The following IFT81 variants were observed in gnomAD, a reference collection of about 807,000 sequenced individuals.
IFT81 encodes intraflagellar transport 81.
IFT81 carries 72 observed loss-of-function variants against 102.6 expected under a neutral mutation model. That is an observed-to-expected ratio of 0.70 (90% confidence interval 0.58 to 0.85). The LOEUF is 0.85. Ranked by LOEUF, IFT81 falls within the 40% of genes least tolerant of loss-of-function variation. The pLI is 0.00. For synonymous variants in IFT81, 237 were observed against 242.7 expected, an observed-to-expected ratio of 0.98 and a Z score of 0.22; for missense variants, 723 against 787.3, an observed-to-expected ratio of 0.92 and a Z score of 0.98.
rs763693675 is a variant in IFT81, at chr12:110,147,033, A to G, written c.1026A>G (p.Ser342=). ...ATGAGCCCATTGAAGGCAAACTCTC[A>G]CTGTATAGGCAACAGGTAAGAACAT... The part of the protein sequence containing the change: ...MRNEPIEGKL[S]LYRQQASIIS... Residue 342 remains serine (S), a synonymous_variant, in exon 10 of 19, where the codon TCA becomes TCG. Coordinates refer to ENST00000242591, the MANE Select transcript of IFT81 (RefSeq NM_014055.4). 2.5e-6 allele frequency: 4 copies of G among 1,610,694 alleles called. No homozygotes were observed. Among genetic ancestry groups the G allele is most frequent in the Non-Finnish European group, 3.4e-6 (4 of 1,178,614 alleles).
chr12:110,141,412 A>G (rs1055579267), intron 8 of IFT81, among the ~76,000 whole-genome samples: 1 of 152,226 alleles, frequency 6.6e-6, no homozygotes, highest in African/African-American at 2.4e-5. Flanking sequence ...TAGTGAAGTA[A>G]TGAATGGAAA....
chr12:110,147,365 A>G (rs1407437465), intron 10 of IFT81, among the ~76,000 whole-genome samples: 1 of 152,200 alleles, frequency 6.6e-6, no homozygotes, highest in Non-Finnish European at 1.5e-5. Context: ...GTATAAATAA[A>G]AATATTTATA....
intron 8 of IFT81, among the ~76,000 whole-genome samples, chr12:110,142,812 A>G (rs1894977236): frequency 6.6e-6 from 1 of 152,154 alleles, no homozygotes; most frequent in Non-Finnish European, 1.5e-5. Flanking sequence ...CTAAGGTGGG[A>G]GGATCACTTG....
chr12:110,184,209 G>A (rs1001762133), intron 12 of IFT81, among the ~76,000 whole-genome samples: 3 of 152,060 alleles, frequency 2.0e-5, no homozygotes, highest in Non-Finnish European at 2.9e-5. Flanking sequence ...AATTATCCGG[G>A]CGTGGTGGCG....
intron 14 of IFT81, chr12:110,203,535 C>G (rs1346284631): frequency 8.3e-6 from 2 of 241,896 alleles, no homozygotes; most frequent in African/African-American, 4.5e-5. Context: ...TCTGTAACAC[C>G]TTGTGTTTTC....
chr12:110,203,293 A>G (rs1898394995), intron 14 of IFT81: 1 of 153,346 alleles, frequency 6.5e-6, no homozygotes, highest in Admixed American at 6.5e-5. Context: ...AAAGAAATAA[A>G]TAAACCAGCA....
chr12:110,191,151 A>G (rs1593356766), intron 13 of IFT81, 103 bp downstream of exon 13: 2 of 1,020,088 alleles, frequency 2.0e-6, no homozygotes, highest in Non-Finnish European at 2.8e-6. Flanking sequence ...TAATTTCTGC[A>G]CATTACATTC....
At position 110,124,367 on chromosome 12, in the gene IFT81, A is replaced by G. The variant is rs1052796184; in HGVS notation, c.-516A>G. ...TACGGCCTAGCAACCGTTGCCAAGG[A>G]GCTCGACTCTGGGAGCGGTCTAGAG... On this transcript the variant is annotated 5_prime_UTR_variant, in exon 1 of 19. Transcript: ENST00000242591. 4 of 151,898 alleles carry G rather than the reference A, an allele frequency of 2.6e-5. No individual in the cohort carries two copies. The highest frequency in any genetic ancestry group is 9.6e-5 in the African/African-American group (4 of 41,462). 9.4% of individuals were successfully genotyped at this position (151,898 alleles called of 1,614,324 possible).
chr12:110,160,840 A>G (rs1896092914), intron 10 of IFT81, among the ~76,000 whole-genome samples: 1 of 152,214 alleles, frequency 6.6e-6, no homozygotes, highest in African/African-American at 2.4e-5. Flanking sequence ...TTTTGGAAAC[A>G]TAATTATATA....
intron 7 of IFT81, 152 bp downstream of exon 7, chr12:110,135,589 C>G (rs1368546945): frequency 1.8e-6 from 1 of 547,584 alleles, no homozygotes; most frequent in African/African-American, 1.9e-5. Context: ...ATATTTCAGG[C>G]CGGGTGCAGT....
intron 11 of IFT81, 82 bp downstream of exon 11, chr12:110,163,147 G>T: frequency 9.5e-7 from 1 of 1,052,176 alleles, no homozygotes; most frequent in East Asian, 2.5e-5. Context: ...TTCTTAGTGT[G>T]AATGTTAATA....
intron 2 of IFT81, among the ~76,000 whole-genome samples, 170 bp from the exon 3 acceptor site, chr12:110,127,876 C>G (rs1893939534): frequency 1.3e-5 from 2 of 152,166 alleles, no homozygotes; most frequent in Non-Finnish European, 2.9e-5. Flanking sequence ...GAATCTTGAT[C>G]TGACTTGGGT....
At chr12:110,208,788 A>T (rs1179221717) in intron 17 of IFT81, among the ~76,000 whole-genome samples, 1 of 152,224 alleles carries the variant, frequency 6.6e-6, no homozygotes, top group African/African-American at 2.4e-5. Flanking sequence ...TAGAATTGCA[A>T]GATTACATGC....
chr12:110,165,253 A>T (rs972756165), intron 11 of IFT81, among the ~76,000 whole-genome samples: 1 of 152,238 alleles, frequency 6.6e-6, no homozygotes, highest in Non-Finnish European at 1.5e-5. Context: ...GCATAATTTT[A>T]TAAAGAACAA....
chr12:110,180,151 C>A (rs1474926567), intron 11 of IFT81, among the ~76,000 whole-genome samples: 3 of 151,680 alleles, frequency 2.0e-5, no homozygotes, highest in African/African-American at 7.2e-5. Context: ...ACTGAATAGG[C>A]CCTGCAAATA....
chr12:110,166,322 G>A (rs1317616254), intron 11 of IFT81, among the ~76,000 whole-genome samples: 1 of 152,152 alleles, frequency 6.6e-6, no homozygotes, highest in South Asian at 2.1e-4. Flanking sequence ...AATAGTTTCT[G>A]TTTAGGAATA....
chr12:110,213,914 G>A (rs1207377785), intron 18 of IFT81, among the ~76,000 whole-genome samples: 3 of 151,990 alleles, frequency 2.0e-5, no homozygotes, highest in Non-Finnish European at 4.4e-5. Flanking sequence ...TTGTTTTCTG[G>A]TGTGACAAAA....
chr12:110,172,756 G>A (rs1164130290), intron 11 of IFT81, among the ~76,000 whole-genome samples: 1 of 152,136 alleles, frequency 6.6e-6, no homozygotes, highest in Non-Finnish European at 1.5e-5. Flanking sequence ...CCCCCCAGCC[G>A]CCTGCCTTGG....
chr12:110,208,550 G>A (rs1255887614), intron 17 of IFT81, among the ~76,000 whole-genome samples: 1 of 151,818 alleles, frequency 6.6e-6, no homozygotes, highest in Non-Finnish European at 1.5e-5. Context: ...TTTTTCTCTT[G>A]ATCTAGAATA....
Sources: gnomAD v4.1 joint callset for allele counts (sites outside exome capture counted in the v4.1 genomes callset) on GRCh38, gnomAD v4.1.1 for gene constraint, MANE v1.5 for transcripts, NCBI Gene and HGNC (gene_info 2026-07-23, HGNC 2026-07-21) for gene names.